The following TUNAR variants were observed in gnomAD, a reference collection of about 807,000 sequenced individuals.
The protein encoded by TUNAR is transmembrane neural differentiation associated intracellular calcium regulator, also known as protein TUNAR.
At chr14:95,891,395 C>G (rs1037098054) in intron 2 of TUNAR, among the ~76,000 whole-genome samples, 2 of 152,200 alleles carry the variant, frequency 1.3e-5, no homozygotes, top group African/African-American at 4.8e-5. Context: ...TTTTCGCCCT[C>G]TCTCCACAAG....
At chr14:95,912,840 G>C (rs1310824882) in intron 2 of TUNAR, among the ~76,000 whole-genome samples, 1 of 151,848 alleles carries the variant, frequency 6.6e-6, no homozygotes, top group Non-Finnish European at 1.5e-5. Flanking sequence ...GCCCAGGCTG[G>C]AGTGCAGTGG....
At chr14:95,884,750 A>G (rs950884153) in intron 2 of TUNAR, among the ~76,000 whole-genome samples, 1 of 152,182 alleles carries the variant, frequency 6.6e-6, no homozygotes, top group African/African-American at 2.4e-5. Context: ...TTCCACAAGT[A>G]TTCACAAGAC....
exon 3 of TUNAR, chr14:95,922,936 C>T (rs1889719673): frequency 2.5e-6 from 1 of 398,892 alleles, no homozygotes; most frequent in African/African-American, 2.1e-5. Flanking sequence ...TGATTGTGAT[C>T]ATATTTGTCT....
chr14:95,908,424 C>T (rs1301503012), intron 2 of TUNAR, among the ~76,000 whole-genome samples: 1 of 152,220 alleles, frequency 6.6e-6, no homozygotes, highest in Non-Finnish European at 1.5e-5. Context: ...AGGCAACGAT[C>T]TGTCAGGCAA....
At chr14:95,920,870 G>C (rs762024465) in intron 2 of TUNAR, among the ~76,000 whole-genome samples, 2 of 152,184 alleles carry the variant, frequency 1.3e-5, no homozygotes, top group African/African-American at 4.8e-5. Flanking sequence ...TGTATATAAA[G>C]AGATTTATTA....
At chr14:95,888,799 C>T (rs1357404900) in intron 2 of TUNAR, among the ~76,000 whole-genome samples, 5 of 150,040 alleles carry the variant, frequency 3.3e-5, no homozygotes, top group Non-Finnish European at 7.5e-5. Flanking sequence ...AGCCCATATT[C>T]GAGGGGATGG....
At chr14:95,897,219 C>CA (rs1193640130) in intron 2 of TUNAR, among the ~76,000 whole-genome samples, 1 of 152,174 alleles carries the variant, frequency 6.6e-6, no homozygotes, top group Non-Finnish European at 1.5e-5. Context: ...GGATTTGCAT[C>CA]CAGACAGTGC....
chr14:95,914,685 A>G (rs1312059521), intron 2 of TUNAR, among the ~76,000 whole-genome samples: 1 of 152,172 alleles, frequency 6.6e-6, no homozygotes, highest in Non-Finnish European at 1.5e-5. Flanking sequence ...ATCAATCATC[A>G]TCATCACCAC....
intron 2 of TUNAR, among the ~76,000 whole-genome samples, chr14:95,903,215 A>T (rs1889382560): frequency 6.6e-6 from 1 of 152,200 alleles, no homozygotes; most frequent in South Asian, 2.1e-4. Flanking sequence ...CACTTTGCCC[A>T]TTTATAAAAT....
chr14:95,903,376 C>G (rs1342685313), intron 2 of TUNAR, among the ~76,000 whole-genome samples: 1 of 152,146 alleles, frequency 6.6e-6, no homozygotes, highest in East Asian at 1.9e-4. Flanking sequence ...AGTCACTCAG[C>G]AAGCAGAAAG....
intron 2 of TUNAR, among the ~76,000 whole-genome samples, chr14:95,910,389 A>G (rs1220783591): frequency 1.3e-5 from 2 of 152,212 alleles, no homozygotes; most frequent in Admixed American, 1.3e-4. Context: ...TAAATACTAA[A>G]TAAATATTTG....
At chr14:95,891,083 G>A (rs1333316777) in intron 2 of TUNAR, among the ~76,000 whole-genome samples, 1 of 152,182 alleles carries the variant, frequency 6.6e-6, no homozygotes, top group Non-Finnish European at 1.5e-5. Context: ...ATAGCCCTTC[G>A]GCCACGTGGA....
chr14:95,887,784 C>G (rs961841690), intron 2 of TUNAR, among the ~76,000 whole-genome samples: 19 of 152,146 alleles, frequency 1.2e-4, no homozygotes, highest in African/African-American at 4.6e-4. Context: ...GGGTTGGGGA[C>G]CCGACCAGAT....
At chr14:95,891,581 A>T (rs556434227) in intron 2 of TUNAR, among the ~76,000 whole-genome samples, 1 of 152,316 alleles carries the variant, frequency 6.6e-6, no homozygotes, top group Admixed American at 6.5e-5. Context: ...TGGTGCAGGA[A>T]TTGGACCAGA....
At chr14:95,890,282 A>G (rs148798342) in intron 2 of TUNAR, among the ~76,000 whole-genome samples, 49 of 152,300 alleles carry the variant, frequency 3.2e-4, no homozygotes, top group African/African-American at 1.2e-3. Context: ...AGGTCTCACC[A>G]TCTTGTACCC....
chr14:95,921,576 G>A (rs898833901), intron 2 of TUNAR, among the ~76,000 whole-genome samples: 1 of 152,184 alleles, frequency 6.6e-6, no homozygotes, highest in Admixed American at 6.5e-5. Flanking sequence ...AAGAGTAGCT[G>A]GAAGATATGC....
At chr14:95,894,149 G>A (rs1889222576) in intron 2 of TUNAR, among the ~76,000 whole-genome samples, 1 of 152,236 alleles carries the variant, frequency 6.6e-6, no homozygotes, top group Admixed American at 6.5e-5. Flanking sequence ...TCGAGCACTG[G>A]TTTAAGGTGA....
chr14:95,883,520 C>T (rs1889015652), intron 2 of TUNAR, among the ~76,000 whole-genome samples: 1 of 152,232 alleles, frequency 6.6e-6, no homozygotes. Flanking sequence ...GTGGTGGACA[C>T]AGACAGCTGT....
intron 2 of TUNAR, among the ~76,000 whole-genome samples, chr14:95,884,860 A>G (rs1164424039): frequency 6.6e-6 from 1 of 152,070 alleles, no homozygotes; most frequent in East Asian, 1.9e-4. Flanking sequence ...GTGGTCTGGA[A>G]AGTATTTCTC....
Sources: allele counts gnomAD v4.1 joint callset (sites outside exome capture counted in the v4.1 genomes callset), GRCh38; gene constraint gnomAD v4.1.1; transcripts MANE v1.5; gene names NCBI Gene and HGNC (gene_info 2026-07-23, HGNC 2026-07-21).